Variants in KBTBD12 observed in about 807,000 individuals in gnomAD.
KBTBD12 encodes the protein kelch repeat and BTB domain containing 12, also known as kelch repeat and BTB domain-containing protein 12.
In KBTBD12, 53 loss-of-function variants were observed where a neutral mutation model predicts 58.7. The ratio of observed to expected loss-of-function variants is 0.90; its 90% CI spans 0.72 to 1.14. KBTBD12 has a LOEUF of 1.14. Among genes scored for constraint, KBTBD12 ranks in the 50% most tolerant of loss-of-function variants. The pLI, the probability that KBTBD12 is intolerant of heterozygous loss-of-function variation, is 0.00. For missense variants in KBTBD12, 704 were observed against 751.3 expected, an observed-to-expected ratio of 0.94 and a Z score of 0.74; for synonymous variants, 236 against 259.8, an observed-to-expected ratio of 0.91 and a Z score of 0.88.
At chr3:127,967,203 C>A (rs747746482) in intron 5 of KBTBD12, among the ~76,000 whole-genome samples, 1 of 152,120 alleles carries the variant, frequency 6.6e-6, no homozygotes, top group African/African-American at 2.4e-5. Context: ...CAAGAAGCTG[C>A]AAAGCAGGCC....
intron 5 of KBTBD12, among the ~76,000 whole-genome samples, chr3:127,971,396 A>G (rs890076038): frequency 2.0e-5 from 3 of 152,288 alleles, no homozygotes; most frequent in Middle Eastern, 3.4e-3. Context: ...GGATTCTTGT[A>G]TATCTCACAA....
At chr3:127,916,809 A>G (rs1939254795) in intron 1 of KBTBD12, among the ~76,000 whole-genome samples, 1 of 152,162 alleles carries the variant, frequency 6.6e-6, no homozygotes, top group Admixed American at 6.5e-5. Context: ...AATCCCAGAC[A>G]GCAAATGACT....
rs1198602969 is a variant in KBTBD12 at position 127,923,519 on chromosome 3, A to G, written c.458A>G (p.Lys153Arg). The part of the protein sequence containing the change: ...IGAEDLSDRS[K>R]KYLYQHFAEV... ...GCTGAAGATTTATCTGATCGATCAA[A>G]GAAATATTTATATCAGCACTTTGCC... Residue 153 changes from lysine (K) to arginine (R), a missense_variant, in exon 2 of 6, where the codon AAG becomes AGG. Lys to Arg is a conservative substitution (Grantham distance 26, BLOSUM62 2). Transcript: ENST00000405109. 6.2e-7 allele frequency: 1 copy of G among 1,611,900 alleles called. No individual in the cohort carries two copies. Among genetic ancestry groups the G allele is most frequent in the East Asian group, 2.2e-5 (1 of 44,864 alleles).
chr3:127,932,773 A>G (rs1939734961), intron 4 of KBTBD12, among the ~76,000 whole-genome samples: 1 of 152,170 alleles, frequency 6.6e-6, no homozygotes, highest in African/African-American at 2.4e-5. Flanking sequence ...AGATAATATA[A>G]GTATAATTCC....
chr3:127,926,076 G>T (rs995485108), intron 2 of KBTBD12, among the ~76,000 whole-genome samples: 1 of 152,018 alleles, frequency 6.6e-6, no homozygotes, highest in African/African-American at 2.4e-5. Context: ...ATCTCCATTT[G>T]TCTTTAAACT....
chr3:127,932,146 T>C (rs571987412), intron 4 of KBTBD12, among the ~76,000 whole-genome samples: 24 of 152,214 alleles, frequency 1.6e-4, no homozygotes, highest in African/African-American at 5.1e-4. Context: ...TACACTCTAG[T>C]TTTTGAATAT....
intron 5 of KBTBD12, among the ~76,000 whole-genome samples, chr3:127,973,069 G>T (rs527349845): frequency 6.6e-6 from 1 of 152,112 alleles, no homozygotes. Flanking sequence ...GATAGCCACC[G>T]CTGTAATCAA....
At chr3:127,953,732 G>C (rs1440323294) in intron 4 of KBTBD12, among the ~76,000 whole-genome samples, 1 of 152,156 alleles carries the variant, frequency 6.6e-6, no homozygotes, top group African/African-American at 2.4e-5. Flanking sequence ...TCATATACTG[G>C]ATAGTTTTTC....
intron 5 of KBTBD12, among the ~76,000 whole-genome samples, chr3:127,978,744 T>C (rs1038908058): frequency 2.6e-5 from 4 of 152,198 alleles, no homozygotes; most frequent in African/African-American, 9.7e-5. Context: ...AGAGTCTGAG[T>C]AAAGTCCCCA....
chr3:127,924,475 A>G (rs1306045480), intron 2 of KBTBD12, among the ~76,000 whole-genome samples: 2 of 151,464 alleles, frequency 1.3e-5, no homozygotes, highest in African/African-American at 4.8e-5. Context: ...CATATAGTTG[A>G]ATTTGCATAA....
chr3:127,987,248 T>C lies in KBTBD12; in HGVS notation c.*2970T>C, dbSNP rs992475628. 1.3e-5 allele frequency: 2 copies of C among 152,242 alleles called. No individual in the cohort carries two copies. Among genetic ancestry groups the C allele is most frequent in the Non-Finnish European group, 2.9e-5 (2 of 68,044 alleles). 9.4% of individuals were successfully genotyped at this position (152,242 alleles called of 1,614,324 possible). A position where few individuals can be genotyped will look rare whatever the true frequency, so the allele number is the denominator to read the frequency against. On this transcript the variant is annotated 3_prime_UTR_variant, in exon 6 of 6. Transcript: ENST00000405109. ...TTTTTCTTTGATTCCATACAACAGATTGCTTGCCTGGGTTAGTGCTTATTT... is the reference window on the plus strand; with the variant it reads ...TTTTTCTTTGATTCCATACAACAGACTGCTTGCCTGGGTTAGTGCTTATTT...
At chr3:127,940,421 A>C (rs1939925171) in intron 4 of KBTBD12, among the ~76,000 whole-genome samples, 1 of 152,202 alleles carries the variant, frequency 6.6e-6, no homozygotes, top group South Asian at 2.1e-4. Flanking sequence ...CATAAGGATA[A>C]CTGAATAGTC....
In KBTBD12 at chr3:127,918,809, T is replaced by C. The variant is rs569523292; in HGVS notation, c.-113+3223T>C. On this transcript the variant is annotated intron_variant, in intron 1 of 5. Coordinates refer to ENST00000405109, the MANE Select transcript of KBTBD12 (RefSeq NM_207335.4). ...GGTACTACTCAAAGATTGAAAAATA[T>C]AAGGAAGGAAAGTCAGGAGACGAGG... 2.6e-5 allele frequency among the ~76,000 whole-genome samples: 4 copies of C among 151,630 alleles called. No homozygotes were observed. In the South Asian group the frequency reaches 6.3e-4, roughly 24 times the overall value.
chr3:127,939,625 A>G (rs1939907795), intron 4 of KBTBD12, among the ~76,000 whole-genome samples: 1 of 152,218 alleles, frequency 6.6e-6, no homozygotes, highest in Non-Finnish European at 1.5e-5. Flanking sequence ...AGTAAAAATC[A>G]CAATAAATGC....
At chr3:127,918,671 C>A (rs370386267) in intron 1 of KBTBD12, among the ~76,000 whole-genome samples, 78 of 149,688 alleles carry the variant, frequency 5.2e-4, no homozygotes, top group African/African-American at 1.8e-3. Flanking sequence ...GAGGTCGCGC[C>A]ACTGCACTCA....
intron 4 of KBTBD12, among the ~76,000 whole-genome samples, chr3:127,944,826 A>G (rs973303139): frequency 2.0e-5 from 3 of 151,890 alleles, no homozygotes; most frequent in Non-Finnish European, 4.4e-5. Context: ...CCTTTACTGT[A>G]CTGGGGAAAT....
chr3:127,964,907 A>G (rs1940532902), intron 5 of KBTBD12, among the ~76,000 whole-genome samples: 1 of 152,232 alleles, frequency 6.6e-6, no homozygotes, highest in Admixed American at 6.5e-5. Flanking sequence ...GTAATCTATC[A>G]TAGTAGTAAG....
intron 4 of KBTBD12, among the ~76,000 whole-genome samples, chr3:127,962,778 G>T (rs1416691099): frequency 6.6e-6 from 1 of 152,170 alleles, no homozygotes; most frequent in Non-Finnish European, 1.5e-5. Flanking sequence ...GGGATGGGAA[G>T]AACACATTCC....
chr3:127,987,047 TG>T lies in KBTBD12; in HGVS notation c.*2770del, dbSNP rs1183944907. Reference sequence around the variant, plus strand: ...TGTCCCAGTGGAACTTTCCAGAGAGTGCCAAGGGAGGACCGAGAAGGGGCAT... The same window carrying T: ...TGTCCCAGTGGAACTTTCCAGAGAGTCCAAGGGAGGACCGAGAAGGGGCAT... On this transcript the variant is annotated 3_prime_UTR_variant, in exon 6 of 6. Transcript: ENST00000405109. 1 of 152,022 alleles carries T rather than the reference TG, an allele frequency of 6.6e-6. No individual in the cohort carries two copies. Among genetic ancestry groups the T allele is most frequent in the Non-Finnish European group, 1.5e-5 (1 of 68,064 alleles). 9.4% of individuals were successfully genotyped at this position (152,022 alleles called of 1,614,324 possible). A position where few individuals can be genotyped will look rare whatever the true frequency, so the allele number is the denominator to read the frequency against.
Sources: gnomAD v4.1 joint callset for allele counts (sites outside exome capture counted in the v4.1 genomes callset) on GRCh38, gnomAD v4.1.1 for gene constraint, MANE v1.5 for transcripts, NCBI Gene and HGNC (gene_info 2026-07-23, HGNC 2026-07-21) for gene names.